Variants in SELENOP observed in about 807,000 individuals in gnomAD.
SELENOP encodes the protein selenoprotein P, plasma, 1.
In SELENOP, 36 loss-of-function variants were observed where a neutral mutation model predicts 41.0. That is an observed-to-expected ratio of 0.88 (90% CI 0.67 to 1.16). The LOEUF (loss-of-function observed/expected upper bound fraction) is 1.16. SELENOP is among the 50% of genes most tolerant of loss of function. The pLI is 0.00. For synonymous variants in SELENOP, 144 were observed against 150.8 expected, an observed-to-expected ratio of 0.95 and a Z score of 0.33; for missense variants, 440 against 454.2, an observed-to-expected ratio of 0.97 and a Z score of 0.28.
At chr5:42,807,250 G>T in intron 2 of SELENOP, 142 bp from the exon 3 acceptor site, 1 of 465,694 alleles carries the variant, frequency 2.1e-6, no homozygotes, top group Non-Finnish European at 3.9e-6. Flanking sequence ...TCTTTATATT[G>T]CTGTAAAAGA....
At position 42,800,702 on chromosome 5, in the gene SELENOP, A is replaced by G. The variant is rs1760165446; in HGVS notation, c.*18T>C. ...TTGTGTCTAGACTAAATTGGGGAGT[A>G]TGTCCTATTTTAAATATTTAGTTTG... On this transcript the variant is annotated 3_prime_UTR_variant, in exon 5 of 5. Coordinates refer to ENST00000514985, the MANE Select transcript of SELENOP (RefSeq NM_005410.4). 1 of 1,575,024 alleles carries G rather than the reference A, an allele frequency of 6.3e-7. No individual in the cohort carries two copies. Among genetic ancestry groups the G allele is most frequent in the African/African-American group, 1.4e-5 (1 of 73,568 alleles).
chr5:42,805,646 G>A (rs548516446), intron 3 of SELENOP: 51 of 152,294 alleles, frequency 3.3e-4, no homozygotes, highest in African/African-American at 1.2e-3. Flanking sequence ...ATTCAGGTAT[G>A]TAGCCTTAAA....
chr5:42,805,321 T>C (rs1219200492), intron 3 of SELENOP: 2 of 152,238 alleles, frequency 1.3e-5, no homozygotes, highest in African/African-American at 4.8e-5. Context: ...AATGTTCTTC[T>C]TGCCTACATT....
rs575256195 is a variant in SELENOP at position 42,800,483 on chromosome 5, A to G, written c.*237T>C. On this transcript the variant is annotated 3_prime_UTR_variant, in exon 5 of 5. Transcript: ENST00000514985. Reference sequence around the variant, plus strand: ...AATAGAACACTGGAAAAAGAAAAAAAAAGACATATTAACCAAAAGCTGCAA... The same window carrying G: ...AATAGAACACTGGAAAAAGAAAAAAGAAGACATATTAACCAAAAGCTGCAA... 3.6e-5 allele frequency: 16 copies of G among 439,654 alleles called. No individual in the cohort carries two copies. The highest frequency in any genetic ancestry group is 5.1e-5 in the Non-Finnish European group (13 of 253,968). 27.2% of individuals were successfully genotyped at this position (439,654 alleles called of 1,614,324 possible). A position where few individuals can be genotyped will look rare whatever the true frequency, so the allele number is the denominator to read the frequency against.
rs995651177 is a variant in SELENOP, at chr5:42,808,098, T to C, written c.203+53A>G. 3.3e-6 allele frequency: 3 copies of C among 908,980 alleles called. No individual in the cohort carries two copies. In the East Asian group the frequency reaches 8.5e-5, roughly 26 times the overall value. The allele number at this position is 908,980 out of a possible 1,614,324, so 56.3% of individuals were successfully genotyped here. A position where few individuals can be genotyped will look rare whatever the true frequency, so the allele number is the denominator to read the frequency against. ...TATTTTATGTCTATATGCGTGTGTG[T>C]ATTTAATAGCCTTCCCCTTAAGGTA... On this transcript the variant is annotated intron_variant, in intron 2 of 4. Transcript: ENST00000514985.
intron 3 of SELENOP, chr5:42,804,975 G>A (rs1047711603): frequency 5.5e-6 from 2 of 365,948 alleles, no homozygotes; most frequent in Non-Finnish European, 4.9e-6. Context: ...ACTATAATTA[G>A]TCTAATACTA....
Position 42,808,254 on chromosome 5 carries a change from A to G in SELENOP, c.100T>C (p.Trp34Arg). Residue 34 changes from tryptophan to arginine, a missense_variant, in exon 2 of 5, where the codon TGG (tryptophan) becomes CGG (arginine). Transcript: ENST00000514985. ...ATTGGATCTTGATCTCTTATGCTCC[A>G]GGCTGGGGGTTGCTTACATAAGGAG... ...QSSLCKQPPA[W>R]SIRDQDPMLN... 6 of 1,574,310 alleles carry G rather than the reference A, an allele frequency of 3.8e-6. No homozygotes were observed. Among genetic ancestry groups the G allele is most frequent in the Non-Finnish European group, 5.2e-6 (6 of 1,160,044 alleles).
At position 42,800,491 on chromosome 5, in the gene SELENOP, A is replaced by G. The variant is rs1262936294; in HGVS notation, c.*229T>C. The G allele has an allele frequency of 2.1e-6, 1 of 469,424 alleles. No individual in the cohort carries two copies. The highest frequency in any genetic ancestry group is 3.7e-6 in the Non-Finnish European group (1 of 273,752). The allele number at this position is 469,424 out of a possible 1,614,324, so 29.1% of individuals were successfully genotyped here. On this transcript the variant is annotated 3_prime_UTR_variant, in exon 5 of 5. Transcript: ENST00000514985. ...ACTGGAAAAAGAAAAAAAAAGACAT[A>G]TTAACCAAAAGCTGCAATCACCTTT...
Position 42,801,054 on chromosome 5 carries a change from T to C in SELENOP, c.812A>G (p.Asp271Gly). 2 of 1,614,218 alleles carry C rather than the reference T, an allele frequency of 1.2e-6. No individual in the cohort carries two copies. Among genetic ancestry groups the C allele is most frequent in the Non-Finnish European group, 1.7e-6 (2 of 1,180,024 alleles). ...CTTTCGACAGAGCTTCTTTTGTAAA[T>C]CTTGTAAATCTTCACTTGCTGGCAT... ...RDMPASEDLQ[D>G]LQKKLCRKRC... Residue 271 changes from aspartate (D) to glycine (G), a missense_variant, in exon 5 of 5, where the codon GAT becomes GGT. Physicochemically the swap from Asp to Gly is moderately conservative, Grantham distance 94 (BLOSUM62 -1). Coordinates refer to ENST00000514985, the MANE Select transcript of SELENOP (RefSeq NM_005410.4).
intron 1 of SELENOP, chr5:42,810,815 C>T: frequency 2.0e-6 from 2 of 1,011,860 alleles, no homozygotes; most frequent in Non-Finnish European, 2.4e-6. Flanking sequence ...CTGTTTCACT[C>T]ATTTCCCTCA....
chr5:42,806,906 T>C lies in SELENOP; in HGVS notation c.406A>G (p.Ile136Val). The C allele has an allele frequency of 6.2e-7, 1 of 1,601,552 alleles. No homozygotes were observed. Among genetic ancestry groups the C allele is most frequent in the South Asian group, 1.1e-5 (1 of 90,318 alleles). The change falls in exon 3 of 5, where the codon ATA becomes GTA. Residue 136 changes from isoleucine to valine, a missense_variant. Physicochemically the swap from Ile to Val is conservative, Grantham distance 29. Transcript: ENST00000514985. Reference protein sequence around the residue: ...LLNGSKDDFLIYDRCGRLVYH... With the variant: ...LLNGSKDDFLVYDRCGRLVYH... ...TGTGTATGTACAAACCTATCATATA[T>C]GAGGAAGTCATCTTTGCTTCCATTT...
intron 1 of SELENOP, among the ~76,000 whole-genome samples, chr5:42,811,617 G>A (rs892872175): frequency 3.3e-5 from 5 of 152,164 alleles, no homozygotes; most frequent in African/African-American, 1.2e-4. Flanking sequence ...CAGAAGACAG[G>A]GCAGAAATCA....
intron 4 of SELENOP, chr5:42,801,541 T>G (rs1333973575): frequency 2.7e-5 from 13 of 481,244 alleles, no homozygotes; most frequent in Non-Finnish European, 1.1e-5. Context: ...ACCACTGTAC[T>G]TATATTTGCA....
At position 42,800,381 on chromosome 5, in the gene SELENOP, CT is replaced by C. The variant is rs1760154823; in HGVS notation, c.*338del. ...AAATGGAAAGCATGTCTTTGTTGTT[CT>C]TCCTCCATTCTAAACTGCTAATTAT... On this transcript the variant is annotated 3_prime_UTR_variant, in exon 5 of 5. Coordinates refer to ENST00000514985, the MANE Select transcript of SELENOP (RefSeq NM_005410.4). 3 of 181,046 alleles carry C rather than the reference CT, an allele frequency of 1.7e-5. No homozygotes were observed. Among genetic ancestry groups the C allele is most frequent in the Non-Finnish European group, 3.4e-5 (3 of 87,992 alleles). 11.2% of individuals were successfully genotyped at this position (181,046 alleles called of 1,614,324 possible).
rs745374620 is a variant in SELENOP, at chr5:42,801,107, A to G, written c.759T>C (p.His253=). The change falls in exon 5 of 5, where the codon CAT becomes CAC. Residue 253 remains histidine (H), a synonymous_variant. Coordinates refer to ENST00000514985, the MANE Select transcript of SELENOP (RefSeq NM_005410.4). ...LHHHHKHKGQ[H]RQGHPENRDM... is the part of the protein sequence containing the mutation. The stretch of plus-strand genomic sequence containing the variant: ...CTCGGTTCTCTGGGTGACCCTGCCT[A>G]TGCTGACCCTTGTGCTTATGGTGGT... The G allele has an allele frequency of 1.2e-6, 2 of 1,614,140 alleles. No homozygotes were observed. The highest frequency in any genetic ancestry group is 1.6e-4 in the Middle Eastern group (1 of 6,062).
At position 42,808,216 on chromosome 5, in the gene SELENOP, A is replaced by T; in HGVS notation, c.138T>A (p.Asn46Lys). ...IRDQDPMLNS[N>K]GSVTVVALLQ... ...GAAGAGCAACCACAGTCACTGAACC[A>T]TTGGAGTTTAGCATTGGATCTTGAT... The change falls in exon 2 of 5, where the codon AAT becomes AAA. Residue 46 changes from asparagine to lysine, a missense_variant. Transcript: ENST00000514985. 6.3e-7 allele frequency: 1 copy of T among 1,587,032 alleles called. No homozygotes were observed. The highest frequency in any genetic ancestry group is 8.6e-7 in the Non-Finnish European group (1 of 1,167,372).
intron 1 of SELENOP, among the ~76,000 whole-genome samples, chr5:42,811,132 A>G (rs1760450008): frequency 6.6e-6 from 1 of 152,218 alleles, no homozygotes. Context: ...TCAGACCTAC[A>G]TTTATTTAAA....
chr5:42,808,832 A>C (rs1440709262), intron 1 of SELENOP, among the ~76,000 whole-genome samples: 5 of 151,828 alleles, frequency 3.3e-5, no homozygotes, highest in African/African-American at 1.2e-4. Context: ...AGGCAGGAGA[A>C]TGGTGTGAAC....
intron 1 of SELENOP, among the ~76,000 whole-genome samples, chr5:42,810,492 C>A (rs1266314165): frequency 2.0e-5 from 3 of 152,100 alleles, no homozygotes; most frequent in Non-Finnish European, 4.4e-5. Context: ...CGGAGTCTTG[C>A]TCTGTTACCC....
Sources: allele counts gnomAD v4.1 joint callset (sites outside exome capture counted in the v4.1 genomes callset), GRCh38; gene constraint gnomAD v4.1.1; transcripts MANE v1.5; gene names NCBI Gene and HGNC (gene_info 2026-07-23, HGNC 2026-07-21).